The following ABCC4 variants were observed in gnomAD, a reference collection of about 807,000 sequenced individuals.
The protein encoded by ABCC4 is ATP-binding cassette sub-family C member 4.
A neutral mutation model predicts 168.5 loss-of-function variants in ABCC4; 102 were observed. The observed-to-expected ratio is 0.61, with a 90% confidence interval of 0.52 to 0.71. ABCC4 has a LOEUF of 0.71. ABCC4 is among the 30% of genes least tolerant of loss of function. ABCC4 has a pLI of 0.00. For synonymous variants in ABCC4, 617 were observed against 590.7 expected, an observed-to-expected ratio of 1.04 and a Z score of -0.65; for missense variants, 1,402 against 1,605.8, an observed-to-expected ratio of 0.87 and a Z score of 2.17.
chr13:95,234,350 C>T (rs553937444), intron 4 of ABCC4, among the ~76,000 whole-genome samples: 1 of 152,340 alleles, frequency 6.6e-6, no homozygotes, highest in Non-Finnish European at 1.5e-5. Context: ...CAGTAGAAAA[C>T]TTTCATTATA....
At chr13:95,145,739 A>G (rs972501793) in intron 19 of ABCC4, among the ~76,000 whole-genome samples, 1 of 152,216 alleles carries the variant, frequency 6.6e-6, no homozygotes, top group African/African-American at 2.4e-5. Context: ...AAAATGTGGT[A>G]CATATACACC....
intron 25 of ABCC4, among the ~76,000 whole-genome samples, chr13:95,064,071 G>C (rs1333598529): frequency 1.3e-5 from 2 of 151,908 alleles, no homozygotes; most frequent in African/African-American, 4.8e-5. Flanking sequence ...GTCAATAATG[G>C]CATTTCCACA....
intron 19 of ABCC4, among the ~76,000 whole-genome samples, chr13:95,137,031 T>A (rs951442441): frequency 6.6e-6 from 1 of 152,230 alleles, no homozygotes; most frequent in South Asian, 2.1e-4. Flanking sequence ...AAATCACAGA[T>A]GGTAGGCATA....
At chr13:95,120,127 A>T (rs1388753026) in intron 19 of ABCC4, among the ~76,000 whole-genome samples, 3 of 152,210 alleles carry the variant, frequency 2.0e-5, no homozygotes, top group African/African-American at 7.2e-5. Flanking sequence ...CCCATTCTGT[A>T]CCACAAAAAT....
At chr13:95,209,309 G>GAGCT in intron 6 of ABCC4, 125 bp downstream of exon 6, 2 of 1,152,556 alleles carry the variant, frequency 1.7e-6, no homozygotes, top group South Asian at 3.2e-5. Flanking sequence ...TGAGCCTGAA[G>GAGCT]AGCTGCAACA....
chr13:95,110,209 G>A (rs1489803085), intron 20 of ABCC4, among the ~76,000 whole-genome samples: 1 of 150,984 alleles, frequency 6.6e-6, no homozygotes, highest in Non-Finnish European at 1.5e-5. Flanking sequence ...CTCGGGAGGC[G>A]GAGGCAGGAG....
At chr13:95,113,215 C>T (rs1246696247) in intron 20 of ABCC4, among the ~76,000 whole-genome samples, 2 of 152,114 alleles carry the variant, frequency 1.3e-5, no homozygotes, top group Non-Finnish European at 2.9e-5. Context: ...AAAAGATCAA[C>T]GACTTTAAGC....
chr13:95,186,665 C>T, intron 11 of ABCC4, 36 bp downstream of exon 11: 1 of 1,583,918 alleles, frequency 6.3e-7, no homozygotes, highest in Non-Finnish European at 8.6e-7. Flanking sequence ...TATTACTGGA[C>T]ATTCGAGTAC....
intron 4 of ABCC4, among the ~76,000 whole-genome samples, chr13:95,217,593 A>AGGTG (rs2039156903): frequency 2.0e-5 from 3 of 152,096 alleles, no homozygotes; most frequent in Non-Finnish European, 4.4e-5. Flanking sequence ...TTAGCTGGGC[A>AGGTG]TGGTGGCGCA....
chr13:95,073,399 T>G, intron 23 of ABCC4, 95 bp from the exon 24 acceptor site: 1 of 777,744 alleles, frequency 1.3e-6, no homozygotes, highest in Non-Finnish European at 2.1e-6. Flanking sequence ...TTCATAATGT[T>G]GAAACAATTC....
At chr13:95,182,172 TAAC>T (rs1207362555) in intron 11 of ABCC4, among the ~76,000 whole-genome samples, 1 of 152,122 alleles carries the variant, frequency 6.6e-6, no homozygotes, top group Non-Finnish European at 1.5e-5. Flanking sequence ...CAAAAAGGCA[TAAC>T]AACAGTTATT....
chr13:95,146,040 C>T (rs972469195), intron 19 of ABCC4, among the ~76,000 whole-genome samples: 1 of 151,846 alleles, frequency 6.6e-6, no homozygotes, highest in African/African-American at 2.4e-5. Context: ...GGTGAAACCC[C>T]ACATCTACTA....
chr13:95,237,484 A>G (rs1329915833), intron 3 of ABCC4, among the ~76,000 whole-genome samples: 2 of 152,222 alleles, frequency 1.3e-5, no homozygotes, highest in Non-Finnish European at 2.9e-5. Flanking sequence ...ACAAGCTAAG[A>G]ATAGTCCTTA....
chr13:95,069,785 G>A (rs1427604566), intron 25 of ABCC4, among the ~76,000 whole-genome samples: 1 of 152,198 alleles, frequency 6.6e-6, no homozygotes, highest in African/African-American at 2.4e-5. Flanking sequence ...ATGTCAGCAT[G>A]TGTCAGAATC....
chr13:95,291,431 C>G (rs1157934183), intron 1 of ABCC4, among the ~76,000 whole-genome samples: 2 of 151,994 alleles, frequency 1.3e-5, no homozygotes, highest in Admixed American at 6.6e-5. Flanking sequence ...AGCAGACCTC[C>G]ATATGACACG....
intron 20 of ABCC4, among the ~76,000 whole-genome samples, chr13:95,102,989 G>A (rs936582164): frequency 3.0e-4 from 45 of 151,642 alleles, no homozygotes; most frequent in Admixed American, 2.4e-3. Flanking sequence ...AAGCTGGGCC[G>A]GGCGCAGTGG....
At chr13:95,209,742 A>C (rs2038899715) in intron 5 of ABCC4, 145 bp from the exon 6 acceptor site, 4 of 733,974 alleles carry the variant, frequency 5.4e-6, no homozygotes, top group Non-Finnish European at 8.3e-6. Context: ...TAAAGCAGAA[A>C]GCCAAGCACC....
chr13:95,267,833 C>T (rs767961424), intron 1 of ABCC4, among the ~76,000 whole-genome samples: 1 of 152,176 alleles, frequency 6.6e-6, no homozygotes, highest in African/African-American at 2.4e-5. Flanking sequence ...GATGAGAGGG[C>T]TGGGCTTGGA....
chr13:95,186,818 G>A lies in ABCC4; in HGVS notation c.1428C>T (p.Ala476=). ...HGLVSVHGRI[A]YVSQQPWVFS... ...ACACCCAGGGCTGCTGAGACACATA[G>A]GCAATTCTTCCATGCACGCTGACCA... Residue 476 remains alanine, a synonymous_variant, in exon 11 of 31, where the codon GCC becomes GCT. Coordinates refer to ENST00000645237, the MANE Select transcript of ABCC4 (RefSeq NM_005845.5). 1 of 1,614,044 alleles carries A rather than the reference G, an allele frequency of 6.2e-7. No individual in the cohort carries two copies. Among genetic ancestry groups the A allele is most frequent in the South Asian group, 1.1e-5 (1 of 91,066 alleles).
Sources: gnomAD v4.1 joint callset for allele counts (sites outside exome capture counted in the v4.1 genomes callset) on GRCh38, gnomAD v4.1.1 for gene constraint, MANE v1.5 for transcripts, NCBI Gene and HGNC (gene_info 2026-07-23, HGNC 2026-07-21) for gene names.